CSMD1: variants seen among roughly 807,000 people sequenced by gnomAD.
CSMD1 encodes CUB and Sushi multiple domains 1.
CSMD1 carries 213 observed loss-of-function variants against 417.5 expected under a neutral mutation model. The ratio of observed to expected loss-of-function variants is 0.51; its 90% CI spans 0.46 to 0.57. The LOEUF (loss-of-function observed/expected upper bound fraction) is 0.57. Ranked by LOEUF, CSMD1 falls within the 20% of genes least tolerant of loss-of-function variation. The probability of loss-of-function intolerance (pLI) is 0.00; values close to 1 mark genes in which losing one functional copy is unlikely to be tolerated. For missense variants in CSMD1, 6,923 were observed against 4,529.7 expected, an observed-to-expected ratio of 1.53 and a Z score of -15.17; for synonymous variants, 2,862 against 1,736.8, an observed-to-expected ratio of 1.65 and a Z score of -16.11.
chr8:3,318,891 A>T (rs927108790), intron 23 of CSMD1, among the ~76,000 whole-genome samples: 7 of 152,138 alleles, frequency 4.6e-5, no homozygotes, highest in African/African-American at 1.4e-4. Flanking sequence ...GTAAACTAAC[A>T]CAGGTCATGC....
chr8:3,700,413 T>A (rs546445533), intron 7 of CSMD1: 2 of 152,308 alleles, frequency 1.3e-5, no homozygotes, highest in Non-Finnish European at 2.9e-5. Context: ...CGTATATGTA[T>A]ATGTAATATG....
At chr8:4,770,434 T>G (rs540948180) in intron 1 of CSMD1, among the ~76,000 whole-genome samples, 2 of 150,630 alleles carry the variant, frequency 1.3e-5, no homozygotes, top group South Asian at 4.2e-4. Flanking sequence ...AAAATCCCAA[T>G]AGCATTCTTC....
intron 3 of CSMD1, among the ~76,000 whole-genome samples, chr8:4,275,529 G>A (rs76717890): frequency 7.9e-5 from 12 of 152,196 alleles, no homozygotes; most frequent in African/African-American, 2.2e-4. Context: ...TTTTGTAACT[G>A]TTACACATTG....
At chr8:4,049,334 T>C (rs763660781) in intron 3 of CSMD1, among the ~76,000 whole-genome samples, 32 of 151,974 alleles carry the variant, frequency 2.1e-4, no homozygotes, top group Non-Finnish European at 4.1e-4. Flanking sequence ...ATCTACTAGA[T>C]GCCATAGCAC....
At chr8:4,591,088 T>C (rs569302877) in intron 2 of CSMD1, among the ~76,000 whole-genome samples, 1 of 152,358 alleles carries the variant, frequency 6.6e-6, no homozygotes, top group South Asian at 2.1e-4. Flanking sequence ...GATCTGCTAT[T>C]CTCTAAGGTT....
rs140445920 is a variant in CSMD1 at position 4,927,266 on chromosome 8, T to C, written c.85+67066A>G. Among the ~76,000 whole-genome samples the C allele has an allele frequency of 8.1e-3, 1,230 of 152,048 alleles. 12 individuals carry two copies. The highest frequency in any genetic ancestry group is 0.028 in the African/African-American group (1,148 of 41,460). On this transcript the variant is annotated intron_variant, in intron 1 of 69. Transcript: ENST00000635120. ...AGAGACAGGGTTTCACCATCTTGGCTAGGCTGGTCTCGAACTCCCGTCCTC... is the reference window on the plus strand; with the variant it reads ...AGAGACAGGGTTTCACCATCTTGGCCAGGCTGGTCTCGAACTCCCGTCCTC...
At chr8:4,818,603 T>C (rs1001568609) in intron 1 of CSMD1, among the ~76,000 whole-genome samples, 2 of 152,208 alleles carry the variant, frequency 1.3e-5, no homozygotes, top group Admixed American at 1.3e-4. Context: ...GTCAGGCCAC[T>C]TGTCACACCC....
At chr8:3,245,326 C>T (rs1799805895) in intron 26 of CSMD1, among the ~76,000 whole-genome samples, 1 of 152,080 alleles carries the variant, frequency 6.6e-6, no homozygotes, top group Non-Finnish European at 1.5e-5. Flanking sequence ...TCACTAGGAG[C>T]CTGTGTAAGG....
chr8:4,768,518 A>T (rs542892780), intron 1 of CSMD1, among the ~76,000 whole-genome samples: 4 of 152,232 alleles, frequency 2.6e-5, no homozygotes, highest in Non-Finnish European at 5.9e-5. Context: ...ATTTGGGATG[A>T]AACTCTGTGG....
chr8:4,081,514 G>T, intron 3 of CSMD1, among the ~76,000 whole-genome samples: 1 of 152,056 alleles, frequency 6.6e-6, no homozygotes, highest in East Asian at 1.9e-4. Context: ...CAAGGAACTG[G>T]GGTCCCCCTA....
At chr8:4,170,700 C>G (rs1406334323) in intron 3 of CSMD1, among the ~76,000 whole-genome samples, 4 of 151,234 alleles carry the variant, frequency 2.6e-5, no homozygotes, top group African/African-American at 4.9e-5. Flanking sequence ...CAAAAGTAAA[C>G]TGATATAGCT....
chr8:4,471,162 G>C (rs1259537079), intron 2 of CSMD1, among the ~76,000 whole-genome samples: 1 of 152,016 alleles, frequency 6.6e-6, no homozygotes, highest in East Asian at 1.9e-4. Context: ...TCACATGCCA[G>C]GCCTTACTGG....
intron 1 of CSMD1, among the ~76,000 whole-genome samples, chr8:4,903,461 C>T (rs888677752): frequency 1.3e-5 from 2 of 151,980 alleles, no homozygotes; most frequent in African/African-American, 4.8e-5. Flanking sequence ...AAGGCATACA[C>T]CAATTGTACA....
chr8:3,534,064 A>T (rs892553617), intron 10 of CSMD1, among the ~76,000 whole-genome samples: 1 of 152,108 alleles, frequency 6.6e-6, no homozygotes, highest in Admixed American at 6.5e-5. Context: ...ACTAGTTTTG[A>T]CTTCCTTTGA....
chr8:4,115,941 C>G (rs1184320726), intron 3 of CSMD1, among the ~76,000 whole-genome samples: 1 of 151,632 alleles, frequency 6.6e-6, no homozygotes, highest in Admixed American at 6.6e-5. Context: ...GAAGTAAACA[C>G]CAAGAAAACA....
intron 3 of CSMD1, among the ~76,000 whole-genome samples, chr8:4,173,885 G>A (rs1208219465): frequency 1.3e-5 from 2 of 152,136 alleles, no homozygotes; most frequent in African/African-American, 4.8e-5. Context: ...TGAAGTGGCA[G>A]CTGAAGTTCT....
At chr8:4,667,072 G>C (rs1248488684) in intron 1 of CSMD1, among the ~76,000 whole-genome samples, 1 of 152,044 alleles carries the variant, frequency 6.6e-6, no homozygotes, top group Non-Finnish European at 1.5e-5. Flanking sequence ...TACATGTACA[G>C]GTCCAGTTAT....
At chr8:3,497,706 T>C (rs1223106039) in intron 10 of CSMD1, among the ~76,000 whole-genome samples, 1 of 152,246 alleles carries the variant, frequency 6.6e-6, no homozygotes, top group Non-Finnish European at 1.5e-5. Flanking sequence ...GTGAGTTTCT[T>C]ATAGGCAGTA....
At position 4,891,162 on chromosome 8, in the gene CSMD1, T is replaced by A. The variant is rs114940819; in HGVS notation, c.85+103170A>T. On this transcript the variant is annotated intron_variant, in intron 1 of 69. Coordinates refer to ENST00000635120, the MANE Select transcript of CSMD1 (RefSeq NM_033225.6). ...GTATGAACTCTGTGTTTTGAGTCAA[T>A]GAGATTTCTGAAAATACATCTGGAA... 3.3e-3 allele frequency among the ~76,000 whole-genome samples: 502 copies of A among 152,228 alleles called. 6 individuals carry two copies. The highest frequency in any genetic ancestry group is 0.011 in the African/African-American group (474 of 41,490).
Sources: gnomAD v4.1 joint callset for allele counts (sites outside exome capture counted in the v4.1 genomes callset) on GRCh38, gnomAD v4.1.1 for gene constraint, MANE v1.5 for transcripts, NCBI Gene and HGNC (gene_info 2026-07-23, HGNC 2026-07-21) for gene names.